OPCML: variants seen among roughly 807,000 people sequenced by gnomAD.
OPCML encodes opioid-binding protein/cell adhesion molecule.
Under a neutral mutation model 37.8 loss-of-function variants are expected in OPCML, and 13 were observed. The observed-to-expected ratio is 0.34, with a 90% CI of 0.22 to 0.55. OPCML has a LOEUF of 0.55. OPCML is among the 20% of genes least tolerant of loss of function. The pLI is 0.91. For missense variants in OPCML, 341 were observed against 435.6 expected (o/e 0.78, Z 1.93); for synonymous variants, 176 against 168.8 (o/e 1.04, Z -0.33).
chr11:133,126,067 C>T (rs538270360), intron 1 of OPCML, among the ~76,000 whole-genome samples: 176 of 27,322 alleles, frequency 6.4e-3, no homozygotes, highest in African/African-American at 0.022. Context: ...TATATATGTA[C>T]CATACACACA....
chr11:133,298,368 T>A (rs1327057402), intron 1 of OPCML: 1 of 152,098 alleles, frequency 6.6e-6, no homozygotes, highest in Non-Finnish European at 1.5e-5. Context: ...ATGGTAAAAA[T>A]CATCAAATAT....
At chr11:132,481,606 C>T (rs1371388427) in intron 4 of OPCML, among the ~76,000 whole-genome samples, 4 of 151,456 alleles carry the variant, frequency 2.6e-5, no homozygotes, top group Non-Finnish European at 4.4e-5. Context: ...CCCAAATCAA[C>T]AGAATATACA....
chr11:133,508,976 G>GT (rs796111876), intron 1 of OPCML, among the ~76,000 whole-genome samples: 154 of 147,552 alleles, frequency 1.0e-3, no homozygotes, highest in East Asian at 6.3e-3. Flanking sequence ...ATATAAGTTC[G>GT]TTTTTTTTTT....
At chr11:132,944,339 A>G (rs1483495751) in intron 1 of OPCML, among the ~76,000 whole-genome samples, 6 of 152,112 alleles carry the variant, frequency 3.9e-5, no homozygotes, top group African/African-American at 2.4e-5. Context: ...TACCCTGCCC[A>G]CGCCAGATGG....
intron 1 of OPCML, among the ~76,000 whole-genome samples, chr11:132,987,375 C>T (rs553331255): frequency 3.3e-5 from 5 of 152,056 alleles, no homozygotes; most frequent in Admixed American, 6.6e-5. Context: ...GACCAAGGGG[C>T]CTCTGCGTGT....
chr11:132,565,575 G>A (rs990073010), intron 3 of OPCML, among the ~76,000 whole-genome samples: 1 of 152,170 alleles, frequency 6.6e-6, no homozygotes, highest in African/African-American at 2.4e-5. Flanking sequence ...CAGCTAAACA[G>A]AATTCTCTGG....
At chr11:133,272,983 T>C (rs1436699756) in intron 1 of OPCML, among the ~76,000 whole-genome samples, 5 of 152,176 alleles carry the variant, frequency 3.3e-5, no homozygotes, top group African/African-American at 7.2e-5. Context: ...GATGACAGTC[T>C]AGAACACTTG....
intron 2 of OPCML, among the ~76,000 whole-genome samples, chr11:132,723,510 G>A (rs1026395124): frequency 5.3e-5 from 8 of 152,068 alleles, no homozygotes; most frequent in African/African-American, 1.2e-4. Context: ...AAAAATAAAC[G>A]CTTAGTGAAG....
intron 2 of OPCML, among the ~76,000 whole-genome samples, chr11:132,730,412 A>C (rs1939513): frequency 0.69 from 104,837 of 152,036 alleles, 36,835 homozygotes; most frequent in African/African-American, 0.81. Flanking sequence ...GGCTAAAATA[A>C]TCTAAAAGGA....
intron 2 of OPCML, among the ~76,000 whole-genome samples, chr11:132,937,585 GC>G (rs1945425956): frequency 2.1e-4 from 28 of 133,494 alleles, no homozygotes; most frequent in Admixed American, 7.9e-4. Context: ...GGTGTGTGTG[GC>G]GTGTGTGGGG....
intron 1 of OPCML, chr11:133,006,676 CAT>C (rs1448818491): frequency 2.0e-6 from 2 of 985,422 alleles, no homozygotes; most frequent in Non-Finnish European, 2.4e-6. Context: ...CCTGATCCCA[CAT>C]GTCTGCCACT....
At chr11:132,907,385 C>T (rs1475264985) in intron 2 of OPCML, among the ~76,000 whole-genome samples, 1 of 152,150 alleles carries the variant, frequency 6.6e-6, no homozygotes, top group Non-Finnish European at 1.5e-5. Context: ...GTAATCCCAG[C>T]ACTTTGGGAG....
At chr11:132,567,434 C>T (rs61906380) in intron 3 of OPCML, among the ~76,000 whole-genome samples, 34,711 of 151,932 alleles carry the variant, frequency 0.23, 4,452 homozygotes, top group East Asian at 0.44. Flanking sequence ...GTCACAAGGT[C>T]AGGGGATCCG....
At chr11:133,100,915 TTTTA>T (rs1232982486) in intron 1 of OPCML, among the ~76,000 whole-genome samples, 1 of 152,120 alleles carries the variant, frequency 6.6e-6, no homozygotes, top group Non-Finnish European at 1.5e-5. Context: ...AATGTGTTAT[TTTTA>T]TTTTATTTTT....
intron 1 of OPCML, among the ~76,000 whole-genome samples, chr11:132,987,744 A>G (rs1027895707): frequency 8.5e-5 from 13 of 152,176 alleles, no homozygotes; most frequent in African/African-American, 2.9e-4. Context: ...CGTCTTCCCT[A>G]TGCTCCACCA....
At position 132,740,312 on chromosome 11, in the gene OPCML, C is replaced by A. The variant is rs995869093; in HGVS notation, c.147-82993G>T. On this transcript the variant is annotated intron_variant, in intron 2 of 7. Coordinates refer to ENST00000524381, the MANE Select transcript of OPCML (RefSeq NM_001012393.5). ...GCTCCATGGGAATGGGAAGACCAGG[C>A]AAGCTTGGTTCACTGTTACTTTCTC... Among the ~76,000 whole-genome samples the A allele has an allele frequency of 4.6e-5, 7 of 152,326 alleles. No homozygotes were observed. In the South Asian group the frequency reaches 6.2e-4, roughly 14 times the overall value.
At chr11:132,519,004 C>A (rs1410564689) in intron 4 of OPCML, among the ~76,000 whole-genome samples, 1 of 152,106 alleles carries the variant, frequency 6.6e-6, no homozygotes, top group Non-Finnish European at 1.5e-5. Context: ...CATATTTATT[C>A]TCTAAAATGC....
At chr11:133,298,436 T>A (rs1446464987) in intron 1 of OPCML, 1 of 152,182 alleles carries the variant, frequency 6.6e-6, no homozygotes, top group Non-Finnish European at 1.5e-5. Context: ...GAAAAGTACC[T>A]GGCATGTAGA....
chr11:133,080,350 T>G (rs962030706), intron 1 of OPCML, among the ~76,000 whole-genome samples: 1 of 152,080 alleles, frequency 6.6e-6, no homozygotes, highest in Non-Finnish European at 1.5e-5. Flanking sequence ...ATGACACTAC[T>G]GCGGCCGGTG....
Sources: allele counts gnomAD v4.1 joint callset (sites outside exome capture counted in the v4.1 genomes callset), GRCh38; gene constraint gnomAD v4.1.1; transcripts MANE v1.5; gene names NCBI Gene and HGNC (gene_info 2026-07-23, HGNC 2026-07-21).